The following EXOC4 variants were observed in gnomAD, a reference collection of about 807,000 sequenced individuals.
The protein encoded by EXOC4 is exocyst complex component 4.
Under a neutral mutation model 107.2 loss-of-function variants are expected in EXOC4, and 71 were observed. The observed-to-expected ratio is 0.66, with a 90% CI of 0.55 to 0.81. The LOEUF (loss-of-function observed/expected upper bound fraction) is 0.81. EXOC4 is among the 30% of genes least tolerant of loss of function. The probability of loss-of-function intolerance (pLI) is 0.00; values close to 1 mark genes in which losing one functional copy is unlikely to be tolerated. For synonymous variants in EXOC4, 456 were observed against 441.2 expected, an observed-to-expected ratio of 1.03 and a Z score of -0.42; for missense variants, 1,108 against 1,189.6, an observed-to-expected ratio of 0.93 and a Z score of 1.01.
chr7:134,038,340 A>G (rs1795439123), intron 17 of EXOC4, among the ~76,000 whole-genome samples: 1 of 152,206 alleles, frequency 6.6e-6, no homozygotes, highest in Admixed American at 6.5e-5. Flanking sequence ...ATTCCTGGAT[A>G]TATTAGGCAT....
At chr7:133,622,010 T>C (rs1158811761) in intron 9 of EXOC4, among the ~76,000 whole-genome samples, 1 of 152,204 alleles carries the variant, frequency 6.6e-6, no homozygotes, top group African/African-American at 2.4e-5. Context: ...GGTCTCACTC[T>C]GTTGCCCAGG....
chr7:133,333,704 T>C (rs948445924), intron 5 of EXOC4, among the ~76,000 whole-genome samples: 4 of 152,162 alleles, frequency 2.6e-5, no homozygotes, highest in Non-Finnish European at 4.4e-5. Flanking sequence ...TTTCTAACCA[T>C]GTGTATATAT....
chr7:133,822,202 G>A (rs13243553), intron 11 of EXOC4, among the ~76,000 whole-genome samples: 62,530 of 151,996 alleles, frequency 0.41, 13,280 homozygotes, highest in South Asian at 0.61. Context: ...TTCTGAACAC[G>A]GAGTTCTGGA....
chr7:134,044,665 G>A (rs1412820778), intron 17 of EXOC4, among the ~76,000 whole-genome samples: 8 of 152,098 alleles, frequency 5.3e-5, no homozygotes, highest in African/African-American at 1.2e-4. Flanking sequence ...CTCCTCCTTC[G>A]CTTTAATGTA....
At chr7:133,884,626 C>CGT (rs1002675019) in intron 11 of EXOC4, among the ~76,000 whole-genome samples, 4 of 141,850 alleles carry the variant, frequency 2.8e-5, no homozygotes, top group African/African-American at 6.0e-5. Flanking sequence ...TGTGTGCGCG[C>CGT]GTGTGTGATG....
chr7:133,943,930 T>C (rs1563066298), intron 14 of EXOC4, among the ~76,000 whole-genome samples: 1 of 152,154 alleles, frequency 6.6e-6, no homozygotes, highest in Non-Finnish European at 1.5e-5. Flanking sequence ...ACACCCCAAT[T>C]CATGCAATAA....
At chr7:133,789,387 C>T (rs531847009) in intron 10 of EXOC4, among the ~76,000 whole-genome samples, 70 of 152,304 alleles carry the variant, frequency 4.6e-4, no homozygotes, top group African/African-American at 1.6e-3. Flanking sequence ...CCACTACTCT[C>T]TCTCCTCCCC....
intron 13 of EXOC4, among the ~76,000 whole-genome samples, chr7:133,928,233 G>A (rs1037079525): frequency 3.9e-5 from 6 of 152,138 alleles, no homozygotes; most frequent in African/African-American, 1.4e-4. Context: ...CCTTGAGAAA[G>A]TCAGGCTGGC....
intron 11 of EXOC4, among the ~76,000 whole-genome samples, chr7:133,853,849 T>A (rs1025954487): frequency 6.6e-6 from 1 of 152,342 alleles, no homozygotes; most frequent in African/African-American, 2.4e-5. Context: ...CTGGTTCCTG[T>A]AAGCCGAGCA....
At chr7:133,572,106 A>G (rs749574336) in intron 9 of EXOC4, among the ~76,000 whole-genome samples, 16 of 152,238 alleles carry the variant, frequency 1.1e-4, no homozygotes, top group Admixed American at 3.3e-4. Flanking sequence ...AAAATATACA[A>G]TGACTGTAAT....
intron 9 of EXOC4, among the ~76,000 whole-genome samples, chr7:133,581,618 C>T (rs796305736): frequency 5.9e-5 from 9 of 151,360 alleles, no homozygotes; most frequent in African/African-American, 1.9e-4. Context: ...ATTAGCCGGG[C>T]GTGGTGGTGG....
At chr7:133,747,290 G>A (rs1261660352) in intron 10 of EXOC4, among the ~76,000 whole-genome samples, 1 of 152,096 alleles carries the variant, frequency 6.6e-6, no homozygotes, top group Admixed American at 6.6e-5. Flanking sequence ...ATATTGGAAA[G>A]TATTGCAGCG....
chr7:133,371,819 C>T (rs1270068406), intron 6 of EXOC4, among the ~76,000 whole-genome samples: 1 of 152,178 alleles, frequency 6.6e-6, no homozygotes, highest in African/African-American at 2.4e-5. Flanking sequence ...AACTGTTTTC[C>T]AAAGCGGCTG....
chr7:133,948,989 G>A (rs1290545897), intron 14 of EXOC4, among the ~76,000 whole-genome samples: 1 of 152,112 alleles, frequency 6.6e-6, no homozygotes, highest in African/African-American at 2.4e-5. Flanking sequence ...CAAAGCTACA[G>A]CAGCAAGGCG....
At chr7:133,595,231 G>T (rs543672283) in intron 9 of EXOC4, among the ~76,000 whole-genome samples, 1 of 152,256 alleles carries the variant, frequency 6.6e-6, no homozygotes, top group South Asian at 2.1e-4. Flanking sequence ...GTATCCTGGA[G>T]GCCAAGAGAA....
At chr7:133,661,683 A>G (rs1182037257) in intron 10 of EXOC4, among the ~76,000 whole-genome samples, 1 of 128,992 alleles carries the variant, frequency 7.8e-6, no homozygotes, top group Admixed American at 8.2e-5. Context: ...AAAAAAAAAA[A>G]AAAAACAAAA....
At chr7:133,577,014 A>T in intron 9 of EXOC4, 1 of 449,510 alleles carries the variant, frequency 2.2e-6, no homozygotes, top group Non-Finnish European at 3.8e-6. Flanking sequence ...ATTTATTATT[A>T]AGTAGAAGAA....
chr7:133,332,647 G>C (rs1223920645), intron 5 of EXOC4, among the ~76,000 whole-genome samples: 1 of 152,140 alleles, frequency 6.6e-6, no homozygotes, highest in East Asian at 1.9e-4. Flanking sequence ...ATATTTTCCT[G>C]GATTTTGTAT....
intron 9 of EXOC4, chr7:133,551,508 A>G (rs998494253): frequency 2.0e-5 from 3 of 152,160 alleles, no homozygotes; most frequent in Non-Finnish European, 2.9e-5. Context: ...ACTGCCGTGC[A>G]TTTTACTGTA....
Sources: gnomAD v4.1 joint callset for allele counts (sites outside exome capture counted in the v4.1 genomes callset) on GRCh38, gnomAD v4.1.1 for gene constraint, MANE v1.5 for transcripts, NCBI Gene and HGNC (gene_info 2026-07-23, HGNC 2026-07-21) for gene names.